The following ESR1 variants were observed in gnomAD, a reference collection of about 807,000 sequenced individuals.
ESR1 encodes the protein estrogen receptor 1, also known as estrogen receptor.
Under a neutral mutation model 52.7 loss-of-function variants are expected in ESR1, and 12 were observed. That is an observed-to-expected ratio of 0.23 (90% confidence interval 0.15 to 0.37). ESR1 has a LOEUF of 0.37. Ranked by LOEUF, ESR1 falls within the 10% of genes least tolerant of loss-of-function variation. The pLI, the probability that ESR1 is intolerant of heterozygous loss-of-function variation, is 1.00. For missense variants in ESR1, 584 were observed against 779.7 expected, an observed-to-expected ratio of 0.75 and a Z score of 2.99; for synonymous variants, 305 against 316.8, an observed-to-expected ratio of 0.96 and a Z score of 0.39.
At chr6:151,674,827 C>T (rs1471102895) in intron 1 of ESR1, among the ~76,000 whole-genome samples, 1 of 152,234 alleles carries the variant, frequency 6.6e-6, no homozygotes, top group Non-Finnish European at 1.5e-5. Flanking sequence ...GACCACCAAA[C>T]TCACCTGCCC....
At chr6:151,733,343 CAT>C in intron 2 of ESR1, among the ~76,000 whole-genome samples, 1 of 152,314 alleles carries the variant, frequency 6.6e-6, no homozygotes, top group Admixed American at 6.5e-5. Context: ...AGCACCATCA[CAT>C]AGTGAAATTA....
intron 1 of ESR1, among the ~76,000 whole-genome samples, chr6:151,812,904 C>T (rs1779035478): frequency 6.6e-6 from 1 of 151,890 alleles, no homozygotes; most frequent in African/African-American, 2.4e-5. Context: ...AGGCAGTTCA[C>T]CAAAGTTATT....
rs984205467 is a variant in ESR1, at chr6:152,064,868, A to G, written c.1369+3744A>G. Among the ~76,000 whole-genome samples the G allele has an allele frequency of 6.6e-5, 10 of 152,344 alleles. No homozygotes were observed. The East Asian group carries it at 1.7e-3, about 26-fold the overall frequency. ...ATCTGTTCTTACCATTCTGAAATGT[A>G]TCATGCTCTTCAGTGCTCCACAGAT... On this transcript the variant is annotated intron_variant, in intron 6 of 7. Coordinates refer to ENST00000206249, the MANE Select transcript of ESR1 (RefSeq NM_000125.4).
chr6:152,024,936 G>T (rs1431691426), intron 5 of ESR1, among the ~76,000 whole-genome samples: 3 of 151,226 alleles, frequency 2.0e-5, no homozygotes. Flanking sequence ...AATAGAGATT[G>T]TTATACCTTT....
chr6:151,943,394 A>C (rs3020408), intron 3 of ESR1, among the ~76,000 whole-genome samples: 83,941 of 146,794 alleles, frequency 0.57, 24,705 homozygotes, highest in Middle Eastern at 0.73. Flanking sequence ...AAAAAACAAA[A>C]AAAAACAAAA....
At chr6:151,984,887 A>T (rs1243581853) in intron 4 of ESR1, among the ~76,000 whole-genome samples, 1 of 152,114 alleles carries the variant, frequency 6.6e-6, no homozygotes, top group Non-Finnish European at 1.5e-5. Context: ...TGGAGGAAAC[A>T]GCACTGATCC....
intron 4 of ESR1, among the ~76,000 whole-genome samples, chr6:152,005,783 C>G (rs1272320338): frequency 6.6e-6 from 1 of 152,070 alleles, no homozygotes; most frequent in Non-Finnish European, 1.5e-5. Context: ...CAGCTCATGA[C>G]TTCATTACTT....
chr6:152,056,697 A>C (rs35562447), intron 5 of ESR1, among the ~76,000 whole-genome samples: 2 of 152,214 alleles, frequency 1.3e-5, no homozygotes, highest in African/African-American at 4.8e-5. Context: ...AAGTAGCAGA[A>C]CAAGGCTCCC....
intron 4 of ESR1, among the ~76,000 whole-genome samples, chr6:151,953,694 C>T (rs1462415093): frequency 2.0e-5 from 3 of 151,362 alleles, no homozygotes; most frequent in South Asian, 2.1e-4. Context: ...GCACTCCAGC[C>T]GGAGTGAGAC....
chr6:151,875,467 A>G (rs1418107099), intron 2 of ESR1, among the ~76,000 whole-genome samples: 1 of 152,152 alleles, frequency 6.6e-6, no homozygotes, highest in East Asian at 1.9e-4. Flanking sequence ...GAGCTCCACT[A>G]TGTGTGTGAG....
At chr6:152,028,886 C>T (rs774938400) in intron 5 of ESR1, among the ~76,000 whole-genome samples, 2 of 152,172 alleles carry the variant, frequency 1.3e-5, no homozygotes. Flanking sequence ...TAACTGGGCA[C>T]ACCCCAGTAG....
At chr6:151,778,107 G>A (rs978517832) in intron 2 of ESR1, among the ~76,000 whole-genome samples, 13 of 152,118 alleles carry the variant, frequency 8.5e-5, no homozygotes, top group East Asian at 1.9e-4. Flanking sequence ...CACTTTCTTC[G>A]GAAAATCACG....
chr6:152,117,511 T>G (rs1254571317), intron 6 of ESR1, among the ~76,000 whole-genome samples: 3 of 152,228 alleles, frequency 2.0e-5, no homozygotes, highest in South Asian at 2.1e-4. Context: ...ACTCTTGTAT[T>G]AGGTAACAGG....
intron 4 of ESR1, among the ~76,000 whole-genome samples, chr6:151,997,949 A>G (rs2041635537): frequency 6.6e-6 from 1 of 151,860 alleles, no homozygotes; most frequent in South Asian, 2.1e-4. Flanking sequence ...TTCAGAAGTG[A>G]TGAGGGAAAC....
chr6:152,030,143 A>C (rs914875658), intron 5 of ESR1, among the ~76,000 whole-genome samples: 1 of 152,228 alleles, frequency 6.6e-6, no homozygotes, highest in Non-Finnish European at 1.5e-5. Context: ...TGAAGGAAGC[A>C]CTAAACACGG....
At chr6:151,938,922 A>G (rs2034699525) in intron 3 of ESR1, among the ~76,000 whole-genome samples, 1 of 152,194 alleles carries the variant, frequency 6.6e-6, no homozygotes, top group Admixed American at 6.5e-5. Flanking sequence ...TATACAAAAC[A>G]GGTGGGTCTT....
intron 1 of ESR1, among the ~76,000 whole-genome samples, chr6:151,831,770 A>C (rs144004351): frequency 6.6e-6 from 1 of 152,282 alleles, no homozygotes; most frequent in Non-Finnish European, 1.5e-5. Flanking sequence ...TCCATGTAAA[A>C]CGCTTAAAAT....
chr6:151,880,890 TC>T lies in ESR1; in HGVS notation c.760+120del, dbSNP rs1048984468. 55 of 667,380 alleles carry T rather than the reference TC, an allele frequency of 8.2e-5. No individual in the cohort carries two copies. The African/African-American group carries it at 8.6e-4, about 10-fold the overall frequency. The allele number at this position is 667,380 out of a possible 1,614,324, so 41.3% of individuals were successfully genotyped here. A position where few individuals can be genotyped will look rare whatever the true frequency, so the allele number is the denominator to read the frequency against. On this transcript the variant is annotated intron_variant, in intron 3 of 7. Coordinates refer to ENST00000206249, the MANE Select transcript of ESR1 (RefSeq NM_000125.4). ...GTTTTTTTCTTTTAATTGTTTTTTTTCTATTCTTATTTTTCTTTGCAACAAA... is the reference window on the plus strand; with the variant it reads ...GTTTTTTTCTTTTAATTGTTTTTTTTTATTCTTATTTTTCTTTGCAACAAA...
intron 4 of ESR1, among the ~76,000 whole-genome samples, chr6:151,996,951 A>G (rs1038356626): frequency 1.8e-4 from 27 of 152,096 alleles, no homozygotes; most frequent in Non-Finnish European, 3.5e-4. Flanking sequence ...TTGAGTGACA[A>G]ACATGTTCCA....
Sources: gnomAD v4.1 joint callset for allele counts (sites outside exome capture counted in the v4.1 genomes callset) on GRCh38, gnomAD v4.1.1 for gene constraint, MANE v1.5 for transcripts, NCBI Gene and HGNC (gene_info 2026-07-23, HGNC 2026-07-21) for gene names.